Variants in DACH2 observed in about 807,000 individuals in gnomAD.
The protein encoded by DACH2 is dachshund family transcription factor 2, also known as dachshund homolog 2.
A neutral mutation model predicts 35.8 loss-of-function variants in DACH2; 17 were observed. The observed-to-expected ratio is 0.48, with a 90% confidence interval of 0.33 to 0.71. The LOEUF (loss-of-function observed/expected upper bound fraction) is 0.71, where lower values mean the gene tolerates loss of function less well. Among genes scored for constraint, DACH2 ranks in the 30% least tolerant of loss-of-function variants. The pLI, the probability that DACH2 is intolerant of heterozygous loss-of-function variation, is 0.02. For missense variants in DACH2, 469 were observed against 472.7 expected (o/e 0.99, Z 0.07); for synonymous variants, 195 against 177.3 (o/e 1.10, Z -0.79).
intron 3 of DACH2, among the ~76,000 whole-genome samples, chrX:86,534,670 C>T: frequency 9.0e-6 from 1 of 111,319 alleles, no homozygotes; most frequent in South Asian, 3.7e-4. Flanking sequence ...TTTCATTTAG[C>T]CCTATAACTT....
intron 7 of DACH2, among the ~76,000 whole-genome samples, chrX:86,758,930 CT>C (rs924891685): frequency 4.5e-5 from 5 of 112,161 alleles, no homozygotes; most frequent in Non-Finnish European, 9.4e-5. Context: ...CACTCATATT[CT>C]TTTAGTTATT....
chrX:86,529,360 T>C (rs1188310791), intron 3 of DACH2, among the ~76,000 whole-genome samples: 1 of 109,194 alleles, frequency 9.2e-6, no homozygotes, highest in Non-Finnish European at 1.9e-5. Flanking sequence ...ACTTATTCTT[T>C]CTATCAAACT....
intron 3 of DACH2, among the ~76,000 whole-genome samples, chrX:86,535,607 G>T (rs529526483): frequency 4.5e-5 from 5 of 110,774 alleles, no homozygotes; most frequent in African/African-American, 1.6e-4. Context: ...CCTGACTCTG[G>T]TATAGCATCA....
intron 5 of DACH2, among the ~76,000 whole-genome samples, chrX:86,700,099 G>T (rs1442942092): frequency 1.0e-5 from 1 of 98,940 alleles, no homozygotes; most frequent in African/African-American, 3.5e-5. Flanking sequence ...GCTGAAGATT[G>T]TTTTATGTTT....
At chrX:86,209,626 C>A (rs1191147119) in intron 1 of DACH2, among the ~76,000 whole-genome samples, 1 of 110,917 alleles carries the variant, frequency 9.0e-6, no homozygotes, top group Non-Finnish European at 1.9e-5. Flanking sequence ...CATCCCAGTG[C>A]AGATAACACA....
intron 4 of DACH2, among the ~76,000 whole-genome samples, chrX:86,692,052 G>T (rs747334635): frequency 9.0e-6 from 1 of 111,070 alleles, no homozygotes; most frequent in East Asian, 2.9e-4. Flanking sequence ...GAGAGATTTA[G>T]GTCAAAAGAC....
At chrX:86,787,200 A>G (rs2042145453) in intron 7 of DACH2, among the ~76,000 whole-genome samples, 1 of 112,540 alleles carries the variant, frequency 8.9e-6, no homozygotes, top group African/African-American at 3.2e-5. Context: ...CTTTAAAAAA[A>G]TAGCACCAAA....
At chrX:86,799,743 C>T (rs777790896) in intron 7 of DACH2, among the ~76,000 whole-genome samples, 1 of 111,902 alleles carries the variant, frequency 8.9e-6, no homozygotes, top group Non-Finnish European at 1.9e-5. Context: ...ACTCAGTTTA[C>T]CAGAGTAAAT....
intron 1 of DACH2, among the ~76,000 whole-genome samples, chrX:86,287,466 A>G (rs138750587): frequency 3.6e-3 from 406 of 111,750 alleles, no homozygotes; most frequent in African/African-American, 0.012. Context: ...ATCCCTTTGA[A>G]TAAACTTTCT....
intron 2 of DACH2, among the ~76,000 whole-genome samples, chrX:86,492,928 T>A (rs2038114239): frequency 8.9e-6 from 1 of 111,733 alleles, no homozygotes; most frequent in Non-Finnish European, 1.9e-5. Context: ...AGTGTATATG[T>A]ATTTTTGGTA....
intron 1 of DACH2, among the ~76,000 whole-genome samples, chrX:86,188,615 G>A (rs2031745690): frequency 8.9e-6 from 1 of 111,825 alleles, no homozygotes; most frequent in Admixed American, 9.5e-5. Flanking sequence ...GACCCAATAT[G>A]ATCAAAAGGG....
chrX:86,608,255 A>C (rs2148365453), intron 3 of DACH2, among the ~76,000 whole-genome samples: 1 of 111,596 alleles, frequency 9.0e-6, no homozygotes, highest in Non-Finnish European at 1.9e-5. Flanking sequence ...ATCATTAAAA[A>C]GTCAGGAAAC....
intron 1 of DACH2, among the ~76,000 whole-genome samples, chrX:86,356,772 A>T (rs1569361573): frequency 9.0e-6 from 1 of 111,400 alleles, no homozygotes; most frequent in African/African-American, 3.3e-5. Flanking sequence ...AGTTGAAAAT[A>T]TTTTTTCAAG....
At chrX:86,420,594 G>A (rs182689829) in intron 2 of DACH2, among the ~76,000 whole-genome samples, 56 of 111,031 alleles carry the variant, frequency 5.0e-4, no homozygotes, top group African/African-American at 1.7e-3. Flanking sequence ...TTTTCCCAGC[G>A]GCTTACTTTT....
At chrX:86,396,724 C>G (rs1206149830) in intron 2 of DACH2, among the ~76,000 whole-genome samples, 1 of 110,997 alleles carries the variant, frequency 9.0e-6, no homozygotes, top group Non-Finnish European at 1.9e-5. Context: ...TTTCTGAGGG[C>G]TCTGTTCTGT....
intron 4 of DACH2, among the ~76,000 whole-genome samples, chrX:86,684,372 C>T (rs760932072): frequency 9.0e-6 from 1 of 111,606 alleles, no homozygotes; most frequent in African/African-American, 3.2e-5. Context: ...TGTGGCCAGT[C>T]TTGCCCTCTG....
intron 7 of DACH2, among the ~76,000 whole-genome samples, chrX:86,768,343 T>TTTTC (rs1255916979): frequency 8.9e-6 from 1 of 111,942 alleles, no homozygotes; most frequent in Admixed American, 9.5e-5. Context: ...TTGGATTTTC[T>TTTTC]TTTCTTTGGT....
intron 1 of DACH2, among the ~76,000 whole-genome samples, chrX:86,337,946 C>G (rs1330239740): frequency 9.0e-6 from 1 of 110,725 alleles, no homozygotes; most frequent in Non-Finnish European, 1.9e-5. Flanking sequence ...TAACTTTAAA[C>G]CAACAAAGAT....
At position 86,630,362 on chromosome X, in the gene DACH2, T is replaced by TTATA. The variant is rs780748425; in HGVS notation, c.641-20661_641-20658dup. On this transcript the variant is annotated intron_variant, in intron 3 of 11. Coordinates refer to ENST00000373125, the MANE Select transcript of DACH2 (RefSeq NM_053281.3). ...ATTACCCTCTTAAGGTTGCTTTGAA[T>TTATA]TATATATATATATATACACACATAC... 4.7e-5 allele frequency among the ~76,000 whole-genome samples: 5 copies of TTATA among 106,800 alleles called. 1 individual carries two copies. The highest frequency in any genetic ancestry group is 3.1e-4 in the Admixed American group (3 of 9,764). The allele number at this position is 106,800 out of a possible 115,157, so 92.7% of individuals were successfully genotyped here.
Sources: allele counts gnomAD v4.1 joint callset (sites outside exome capture counted in the v4.1 genomes callset), GRCh38; gene constraint gnomAD v4.1.1; transcripts MANE v1.5; gene names NCBI Gene and HGNC (gene_info 2026-07-23, HGNC 2026-07-21).